The following SUPT20H variants were observed in gnomAD, a reference collection of about 807,000 sequenced individuals.
The protein encoded by SUPT20H is SPT20 homolog, SAGA complex component, also known as transcription factor SPT20 homolog.
Under a neutral mutation model 122.8 loss-of-function variants are expected in SUPT20H, and 82 were observed. The observed-to-expected ratio is 0.67, with a 90% CI of 0.56 to 0.80. The LOEUF (loss-of-function observed/expected upper bound fraction) is 0.80. SUPT20H is among the 30% of genes least tolerant of loss of function. SUPT20H has a pLI of 0.00. For missense variants in SUPT20H, 831 were observed against 921.6 expected, an observed-to-expected ratio of 0.90 and a Z score of 1.27; for synonymous variants, 291 against 313.0, an observed-to-expected ratio of 0.93 and a Z score of 0.74.
intron 22 of SUPT20H, 95 bp from the exon 23 acceptor site, chr13:37,017,459 G>T: frequency 1.6e-6 from 2 of 1,260,158 alleles, no homozygotes; most frequent in Non-Finnish European, 2.2e-6. Flanking sequence ...CATTTGCTAT[G>T]TGTCACTCTT....
intron 8 of SUPT20H, 30 bp from the exon 9 acceptor site, chr13:37,040,488 T>C (rs1412608344): frequency 2.6e-6 from 4 of 1,567,014 alleles, no homozygotes; most frequent in African/African-American, 1.4e-5. Context: ...AAAAAACTTA[T>C]TAATCTATGC....
chr13:37,039,147 T>C (rs1044473422), intron 9 of SUPT20H: 9 of 152,276 alleles, frequency 5.9e-5, no homozygotes, highest in South Asian at 2.1e-4. Context: ...GCAGAAACAA[T>C]TGCCAACACT....
At chr13:37,049,188 AT>A in intron 2 of SUPT20H, among the ~76,000 whole-genome samples, 1 of 152,336 alleles carries the variant, frequency 6.6e-6, no homozygotes, top group South Asian at 2.1e-4. Flanking sequence ...ACAGAAAAAA[AT>A]ATGCTATCAA....
At chr13:37,032,031 G>A in intron 10 of SUPT20H, 136 bp from the exon 11 acceptor site, 1 of 629,538 alleles carries the variant, frequency 1.6e-6, no homozygotes, top group Non-Finnish European at 2.5e-6. Flanking sequence ...ACAGTCCTAG[G>A]AACTAGGACT....
At chr13:37,019,963 G>C (rs1162004338) in intron 21 of SUPT20H, among the ~76,000 whole-genome samples, 2 of 152,150 alleles carry the variant, frequency 1.3e-5, no homozygotes, top group Non-Finnish European at 2.9e-5. Context: ...TTAACACAGA[G>C]CATATCTTAA....
chr13:37,047,544 A>G lies in SUPT20H; in HGVS notation c.156T>C (p.Pro52=). ...DLYIEECEKE[P]EVKKLRRNVN... is the part of the protein sequence containing the mutation. ...AAAAATGTATACTTACCTTAACTTCAGGTTCTTTTTCACATTCTTCAATAT... is the reference window on the plus strand; with the variant it reads ...AAAAATGTATACTTACCTTAACTTCGGGTTCTTTTTCACATTCTTCAATAT... Residue 52 remains proline (P), a synonymous_variant, in exon 5 of 26, where the codon CCT becomes CCC. Transcript: ENST00000350612. The G allele has an allele frequency of 6.9e-7, 1 of 1,447,032 alleles. No homozygotes were observed. Among genetic ancestry groups the G allele is most frequent in the East Asian group, 2.6e-5 (1 of 38,556 alleles). The allele number at this position is 1,447,032 out of a possible 1,614,324, so 89.6% of individuals were successfully genotyped here. A position where few individuals can be genotyped will look rare whatever the true frequency, so the allele number is the denominator to read the frequency against.
intron 2 of SUPT20H, among the ~76,000 whole-genome samples, chr13:37,049,224 C>T (rs2067125252): frequency 6.6e-6 from 1 of 152,038 alleles, no homozygotes; most frequent in Non-Finnish European, 1.5e-5. Context: ...TGAGTATCAA[C>T]TCATCATCAA....
intron 23 of SUPT20H, chr13:37,013,431 C>A (rs2059932747): frequency 6.7e-6 from 1 of 149,170 alleles, no homozygotes; most frequent in South Asian, 2.1e-4. Flanking sequence ...GATAGGAAAA[C>A]AAAAACAAAC....
intron 9 of SUPT20H, chr13:37,039,540 G>C (rs762537722): frequency 6.6e-6 from 1 of 152,036 alleles, no homozygotes; most frequent in Non-Finnish European, 1.5e-5. Context: ...CCAAAGCTTC[G>C]GCAGAAAAAT....
chr13:37,028,705 C>T (rs1031341826), intron 13 of SUPT20H, among the ~76,000 whole-genome samples: 2 of 151,700 alleles, frequency 1.3e-5, no homozygotes, highest in African/African-American at 2.4e-5. Context: ...TTATTACCTC[C>T]GTATTAGAAG....
intron 20 of SUPT20H, 110 bp downstream of exon 20, chr13:37,021,901 T>C: frequency 7.7e-7 from 1 of 1,299,766 alleles, no homozygotes; most frequent in South Asian, 1.6e-5. Context: ...ACTATTCCTT[T>C]TCAGTCTGAG....
At chr13:37,032,013 T>C in intron 10 of SUPT20H, 118 bp from the exon 11 acceptor site, 2 of 829,352 alleles carry the variant, frequency 2.4e-6, no homozygotes, top group Non-Finnish European at 1.8e-6. Context: ...CACTGCCACA[T>C]GCCAAGCACA....
intron 23 of SUPT20H, among the ~76,000 whole-genome samples, chr13:37,016,829 C>T (rs769030751): frequency 1.7e-4 from 26 of 152,098 alleles, no homozygotes; most frequent in Non-Finnish European, 2.8e-4. Flanking sequence ...GCAGTGTACA[C>T]ATTTGTTTTT....
intron 14 of SUPT20H, among the ~76,000 whole-genome samples, chr13:37,027,249 GA>G (rs1429421852): frequency 6.7e-6 from 1 of 149,596 alleles, no homozygotes; most frequent in Non-Finnish European, 1.5e-5. Flanking sequence ...TAAAAATAAA[GA>G]AAAAAAATGG....
chr13:37,021,556 TACA>T lies in SUPT20H; in HGVS notation c.1705_1707del (p.Cys569del). 1 of 1,613,576 alleles carries T rather than the reference TACA, an allele frequency of 6.2e-7. No individual in the cohort carries two copies. The highest frequency in any genetic ancestry group is 8.5e-7 in the Non-Finnish European group (1 of 1,179,918). The stretch of plus-strand genomic sequence containing the variant: ...CCTGCAGGAGTTATGGCACCAGTGT[TACA>T]GCCCAGCATGGGGTTTGAACCACTC... On this transcript the variant is annotated inframe_deletion, in exon 21 of 26. Coordinates refer to ENST00000350612, the MANE Select transcript of SUPT20H (RefSeq NM_001014286.3).
At chr13:37,028,613 A>G (rs367657512) in intron 13 of SUPT20H, among the ~76,000 whole-genome samples, 16 of 152,198 alleles carry the variant, frequency 1.1e-4, no homozygotes, top group African/African-American at 3.9e-4. Flanking sequence ...TATACATATA[A>G]TAACAATGAA....
chr13:37,024,146 T>A lies in SUPT20H; in HGVS notation c.1480A>T (p.Thr494Ser), dbSNP rs751312421. Residue 494 changes from threonine (T) to serine (S), a missense_variant, in exon 19 of 26, where the codon ACT (threonine) becomes TCT (serine). By Grantham distance (58) the Thr-to-Ser change is moderately conservative (BLOSUM62 1). Coordinates refer to ENST00000350612, the MANE Select transcript of SUPT20H (RefSeq NM_001014286.3). The part of the protein sequence containing the change: ...QQTSSFLKSP[T>S]PPPSSKPSSI... Reference sequence around the variant, plus strand: ...GATGGCTTAGAAGAAGGAGGAGGAGTTGGAGATTTGAGAAAGCTGCTTGTC... The same window carrying A: ...GATGGCTTAGAAGAAGGAGGAGGAGATGGAGATTTGAGAAAGCTGCTTGTC... 12 of 1,612,776 alleles carry A rather than the reference T, an allele frequency of 7.4e-6. No homozygotes were observed. The highest frequency in any genetic ancestry group is 1.0e-5 in the Non-Finnish European group (12 of 1,179,484).
At chr13:37,034,785 G>T (rs2064028666) in intron 9 of SUPT20H, among the ~76,000 whole-genome samples, 1 of 152,200 alleles carries the variant, frequency 6.6e-6, no homozygotes, top group Non-Finnish European at 1.5e-5. Context: ...TCAAAGAACA[G>T]GCTGACTCTC....
chr13:37,016,141 T>A (rs1165844383), intron 23 of SUPT20H, among the ~76,000 whole-genome samples: 1 of 151,956 alleles, frequency 6.6e-6, no homozygotes, highest in African/African-American at 2.4e-5. Context: ...GTTAAAATGG[T>A]AAGTTTTGGC....
Sources: allele counts gnomAD v4.1 joint callset (sites outside exome capture counted in the v4.1 genomes callset), GRCh38; gene constraint gnomAD v4.1.1; transcripts MANE v1.5; gene names NCBI Gene and HGNC (gene_info 2026-07-23, HGNC 2026-07-21).